PLA2R1: variants seen among roughly 807,000 people sequenced by gnomAD.
PLA2R1 encodes secretory phospholipase A2 receptor.
PLA2R1 carries 158 observed loss-of-function variants against 195.9 expected under a neutral mutation model. The observed-to-expected ratio is 0.81, with a 90% CI of 0.71 to 0.92. PLA2R1 has a LOEUF of 0.92. Among genes scored for constraint, PLA2R1 ranks in the 40% least tolerant of loss-of-function variants. The pLI is 0.00. For synonymous variants in PLA2R1, 586 were observed against 598.2 expected, an observed-to-expected ratio of 0.98 and a Z score of 0.30; for missense variants, 1,626 against 1,764.6, an observed-to-expected ratio of 0.92 and a Z score of 1.41.
chr2:159,947,041 A>G (rs1365697492), intron 26 of PLA2R1, 124 bp from the exon 27 acceptor site: 6 of 654,218 alleles, frequency 9.2e-6, no homozygotes, highest in African/African-American at 5.8e-5. Flanking sequence ...CATTATAAAG[A>G]AGAGACTTTA....
At chr2:160,006,843 A>C (rs1228347116) in intron 10 of PLA2R1, among the ~76,000 whole-genome samples, 2 of 152,218 alleles carry the variant, frequency 1.3e-5, no homozygotes, top group Admixed American at 6.5e-5. Flanking sequence ...GTGCATCCTT[A>C]ACTTGCTAAG....
chr2:160,020,897 C>T (rs1693063669), intron 7 of PLA2R1, among the ~76,000 whole-genome samples: 1 of 152,132 alleles, frequency 6.6e-6, no homozygotes, highest in Admixed American at 6.5e-5. Context: ...ATAAGTGAGG[C>T]AGAATGTGAG....
chr2:159,942,876 T>C (rs1464188479), intron 28 of PLA2R1, among the ~76,000 whole-genome samples: 1 of 152,184 alleles, frequency 6.6e-6, no homozygotes, highest in Non-Finnish European at 1.5e-5. Context: ...AAGAACTGCC[T>C]TGATGTCCTA....
In PLA2R1 at chr2:160,028,243, T is replaced by G. The variant is rs182797512; in HGVS notation, c.1074A>C (p.Leu358=). ...CAACTATTTCATGATCAATGTGGTT[T>G]AGATATTTTTTACATATATATGGCA... ...STLPYICKKY[L]NHIDHEIVEK... Residue 358 remains leucine (L), a synonymous_variant, in exon 6 of 30, where the codon CTA becomes CTC. Coordinates refer to ENST00000283243, the MANE Select transcript of PLA2R1 (RefSeq NM_007366.5). 1 of 1,602,392 alleles carries G rather than the reference T, an allele frequency of 6.2e-7. No individual in the cohort carries two copies. The highest frequency in any genetic ancestry group is 2.2e-5 in the East Asian group (1 of 44,696).
chr2:160,042,836 TGTGTGTATGTGTGA>T (rs1325498018), intron 2 of PLA2R1, among the ~76,000 whole-genome samples: 5 of 62,014 alleles, frequency 8.1e-5, no homozygotes, highest in Non-Finnish European at 2.4e-4. Flanking sequence ...TGTGTGTGTG[TGTGTGTATGTGTGA>T]GACAGAGGGA....
chr2:160,003,498 C>G (rs1691747599), intron 11 of PLA2R1, among the ~76,000 whole-genome samples: 1 of 151,672 alleles, frequency 6.6e-6, no homozygotes, highest in Admixed American at 6.6e-5. Context: ...AATTATGTGA[C>G]CATGTAGTTG....
rs201841994 is a variant in PLA2R1 at position 159,967,543 on chromosome 2, T to C, written c.2900A>G (p.Tyr967Cys). Residue 967 changes from tyrosine (Y) to cysteine (C), a missense_variant, in exon 20 of 30, where the codon TAT (tyrosine) becomes TGT (cysteine). Physicochemically the swap from Tyr to Cys is radical, Grantham distance 194. Transcript: ENST00000283243. ...TCPKGWLYFN[Y>C]KCLLLNIPKD... ...ACTTTTGAAAAACAAGCTTACCTTATAGTTAAAATATAGCCATCCTTTGGG... is the reference window on the plus strand; with the variant it reads ...ACTTTTGAAAAACAAGCTTACCTTACAGTTAAAATATAGCCATCCTTTGGG... The C allele has an allele frequency of 9.3e-6, 15 of 1,613,070 alleles. No homozygotes were observed. Among genetic ancestry groups the C allele is most frequent in the Non-Finnish European group, 2.5e-6 (3 of 1,179,494 alleles).
At chr2:159,968,715 G>T (rs903817158) in intron 19 of PLA2R1, among the ~76,000 whole-genome samples, 2 of 152,174 alleles carry the variant, frequency 1.3e-5, no homozygotes, top group Non-Finnish European at 2.9e-5. Context: ...CTGATGAGGA[G>T]AATTTAAAAA....
intron 11 of PLA2R1, among the ~76,000 whole-genome samples, chr2:159,995,985 T>C (rs1271942624): frequency 6.6e-6 from 1 of 152,092 alleles, no homozygotes; most frequent in Non-Finnish European, 1.5e-5. Flanking sequence ...AGCAAATCTA[T>C]CATCTATCTG....
intron 15 of PLA2R1, 133 bp downstream of exon 15, chr2:159,977,150 AT>A: frequency 1.5e-6 from 1 of 669,498 alleles, no homozygotes; most frequent in Non-Finnish European, 2.5e-6. Context: ...CTATAGAAAC[AT>A]TTTTTGCTAA....
rs546534502 is a variant in PLA2R1 at position 159,955,888 on chromosome 2, G to A, written c.3023-60C>T. 6.8e-4 allele frequency: 676 copies of A among 994,380 alleles called. 9 individuals carry two copies. The East Asian group carries it at 0.019, about 28-fold the overall frequency. 61.6% of individuals were successfully genotyped at this position (994,380 alleles called of 1,614,324 possible). ...TGTAGAAAGCATTTGGGTAATCACT[G>A]CATCCTATTTATAGCTATGATTATA... On this transcript the variant is annotated intron_variant, in intron 21 of 29. Coordinates refer to ENST00000283243, the MANE Select transcript of PLA2R1 (RefSeq NM_007366.5).
rs780128491 is a variant in PLA2R1, at chr2:160,005,810, G to T, written c.1676C>A (p.Ala559Asp). The change falls in exon 11 of 30, where the codon GCT becomes GAT. Residue 559 changes from alanine to aspartate, a missense_variant. By Grantham distance (126) the Ala-to-Asp change is moderately radical (BLOSUM62 -2). Transcript: ENST00000283243. Reference protein sequence around the residue: ...LVTITNRFEQAFITSLISSVV... With the variant: ...LVTITNRFEQDFITSLISSVV... ...ACTACTGATCAAACTGGTAATAAAA[G>T]CCTGTTCAAACCTTAAAAGGGGAAA... 3.1e-6 allele frequency: 5 copies of T among 1,610,476 alleles called. No homozygotes were observed. Among genetic ancestry groups the T allele is most frequent in the Non-Finnish European group, 4.2e-6 (5 of 1,176,872 alleles).
At chr2:160,041,413 G>A (rs541529542) in intron 3 of PLA2R1, among the ~76,000 whole-genome samples, 2 of 152,224 alleles carry the variant, frequency 1.3e-5, no homozygotes, top group East Asian at 3.9e-4. Context: ...CTGAAAAAAA[G>A]AAGTTAGAAC....
chr2:159,999,907 T>C (rs557272170), intron 11 of PLA2R1, among the ~76,000 whole-genome samples: 2 of 152,310 alleles, frequency 1.3e-5, no homozygotes, highest in African/African-American at 4.8e-5. Flanking sequence ...TGAAAGATTC[T>C]TTTGGTCAAA....
intron 1 of PLA2R1, among the ~76,000 whole-genome samples, chr2:160,055,854 C>A (rs189136402): frequency 4.6e-5 from 7 of 152,102 alleles, no homozygotes; most frequent in African/African-American, 1.7e-4. Flanking sequence ...GCATTTTTAC[C>A]TTTGTATTAG....
intron 3 of PLA2R1, among the ~76,000 whole-genome samples, chr2:160,037,655 T>A (rs1175787669): frequency 6.6e-6 from 1 of 152,172 alleles, no homozygotes; most frequent in Non-Finnish European, 1.5e-5. Context: ...ATTGCCTGCA[T>A]CCCATGCTGA....
rs1687087338 is a variant in PLA2R1 at position 159,941,578 on chromosome 2, T to C, written c.*200A>G. On this transcript the variant is annotated 3_prime_UTR_variant, in exon 30 of 30. Transcript: ENST00000283243. ...ATAATTTACCCCTTTTAAGAATGGATCACAGTTTAGGGAAATGAATAAATC... is the reference window on the plus strand; with the variant it reads ...ATAATTTACCCCTTTTAAGAATGGACCACAGTTTAGGGAAATGAATAAATC... 2 of 442,242 alleles carry C rather than the reference T, an allele frequency of 4.5e-6. No homozygotes were observed. Among genetic ancestry groups the C allele is most frequent in the Non-Finnish European group, 8.0e-6 (2 of 249,346 alleles). 27.4% of individuals were successfully genotyped at this position (442,242 alleles called of 1,614,324 possible). A position where few individuals can be genotyped will look rare whatever the true frequency, so the allele number is the denominator to read the frequency against.
chr2:160,015,814 A>T (rs1183874222), intron 9 of PLA2R1, among the ~76,000 whole-genome samples: 1 of 152,244 alleles, frequency 6.6e-6, no homozygotes, highest in Non-Finnish European at 1.5e-5. Context: ...GGGATGGGTC[A>T]TTGTTCAATT....
At chr2:159,964,701 C>T (rs1229928030) in intron 20 of PLA2R1, among the ~76,000 whole-genome samples, 2 of 151,580 alleles carry the variant, frequency 1.3e-5, no homozygotes, top group Non-Finnish European at 2.9e-5. Flanking sequence ...CATGGCAACC[C>T]TTTTTTTTAA....
Sources: gnomAD v4.1 joint callset for allele counts (sites outside exome capture counted in the v4.1 genomes callset) on GRCh38, gnomAD v4.1.1 for gene constraint, MANE v1.5 for transcripts, NCBI Gene and HGNC (gene_info 2026-07-23, HGNC 2026-07-21) for gene names.